Variants in WRN observed in about 807,000 individuals in gnomAD.
WRN encodes bifunctional 3'-5' exonuclease/ATP-dependent helicase WRN.
Under a neutral mutation model 180.7 loss-of-function variants are expected in WRN, and 149 were observed. That is an observed-to-expected ratio of 0.82 (90% CI 0.72 to 0.94). WRN has a LOEUF of 0.94. Ranked by LOEUF, WRN falls within the 40% of genes least tolerant of loss-of-function variation. The pLI is 0.00. For missense variants in WRN, 1,661 were observed against 1,700.1 expected, an observed-to-expected ratio of 0.98 and a Z score of 0.40; for synonymous variants, 548 against 568.9, an observed-to-expected ratio of 0.96 and a Z score of 0.52.
intron 3 of WRN, among the ~76,000 whole-genome samples, chr8:31,059,733 G>T (rs1812413938): frequency 6.6e-6 from 1 of 152,068 alleles, no homozygotes; most frequent in African/African-American, 2.4e-5. Context: ...AGTAACAGTT[G>T]TAGCAAATGA....
At position 31,167,140 on chromosome 8, in the gene WRN, T is replaced by C. The variant is rs201955394; in HGVS notation, c.4101T>C (p.Cys1367=). The part of the protein sequence containing the change: ...HGPDSGLQPS[C]DVNKRRCFPG... ...CTGACAGCGGACTTCAACCTTCATG[T>C]GATGTCAACAAAAGGAGATGTTTTC... The change falls in exon 34 of 35, where the codon TGT becomes TGC. Residue 1367 remains cysteine (C), a synonymous_variant. Transcript: ENST00000298139. 18 of 1,613,408 alleles carry C rather than the reference T, an allele frequency of 1.1e-5. No homozygotes were observed. The highest frequency in any genetic ancestry group is 1.5e-5 in the Non-Finnish European group (18 of 1,179,528).
Position 31,166,550 on chromosome 8 carries a change from C to CT in WRN, c.3983-466dup, listed in dbSNP as rs531963120. Reference sequence around the variant, plus strand: ...TTACAATAATAGCCATTGAAAGAATCTTTTTTATTAGAATGTTATTTACAG... The same window carrying CT: ...TTACAATAATAGCCATTGAAAGAATCTTTTTTTATTAGAATGTTATTTACAG... On this transcript the variant is annotated intron_variant, in intron 33 of 34. Transcript: ENST00000298139. 4.6e-5 allele frequency among the ~76,000 whole-genome samples: 7 copies of CT among 152,102 alleles called. No individual in the cohort carries two copies. The East Asian group carries it at 7.7e-4, about 17-fold the overall frequency.
chr8:31,134,976 G>A (rs980299948), intron 24 of WRN, among the ~76,000 whole-genome samples: 1 of 152,022 alleles, frequency 6.6e-6, no homozygotes. Context: ...AGCTTCTTTG[G>A]CCTGTAGGGA....
chr8:31,150,344 A>G lies in WRN; in HGVS notation c.3576A>G (p.Pro1192=). ...KILVDMAKMR[P]TTVENVKRID... ...TTGTTGTTGTTGTTAAACACAGACC[A>G]ACTACGGTTGAAAACGTAAAAAGGA... is the stretch of plus-strand genomic sequence containing the variant. The change falls in exon 31 of 35, where the codon CCA becomes CCG. Residue 1192 remains proline, a synonymous_variant. Coordinates refer to ENST00000298139, the MANE Select transcript of WRN (RefSeq NM_000553.6). 1 of 1,613,774 alleles carries G rather than the reference A, an allele frequency of 6.2e-7. No homozygotes were observed. Among genetic ancestry groups the G allele is most frequent in the Non-Finnish European group, 8.5e-7 (1 of 1,179,626 alleles).
At chr8:31,126,952 A>G (rs1356237102) in intron 23 of WRN, among the ~76,000 whole-genome samples, 2 of 152,198 alleles carry the variant, frequency 1.3e-5, no homozygotes, top group African/African-American at 2.4e-5. Context: ...ACTATGAACA[A>G]CTCAGAACAT....
intron 33 of WRN, among the ~76,000 whole-genome samples, chr8:31,166,220 A>G (rs1344729010): frequency 6.6e-6 from 1 of 152,154 alleles, no homozygotes; most frequent in Non-Finnish European, 1.5e-5. Context: ...TTGAGTGTCA[A>G]ATATTTGATA....
intron 16 of WRN, among the ~76,000 whole-genome samples, chr8:31,094,208 A>G (rs1333724074): frequency 6.6e-6 from 1 of 152,206 alleles, no homozygotes; most frequent in African/African-American, 2.4e-5. Flanking sequence ...TACCATTTTA[A>G]TCATTACTAA....
At chr8:31,067,004 T>C (rs766327723) in intron 5 of WRN, 29 bp from the exon 6 acceptor site, 1 of 1,612,880 alleles carries the variant, frequency 6.2e-7, no homozygotes, top group African/African-American at 1.3e-5. Flanking sequence ...GGAACTGATT[T>C]TACTGTGTTG....
At chr8:31,043,302 T>G (rs918215424) in intron 1 of WRN, among the ~76,000 whole-genome samples, 6 of 152,150 alleles carry the variant, frequency 3.9e-5, no homozygotes, top group Admixed American at 2.0e-4. Flanking sequence ...AAGCAATAAT[T>G]ATGGCCAGGA....
chr8:31,157,344 G>A (rs1324302998), intron 32 of WRN, 24 bp from the exon 33 acceptor site: 2 of 1,612,958 alleles, frequency 1.2e-6, no homozygotes, highest in Non-Finnish European at 8.5e-7. Flanking sequence ...CAACTCACTG[G>A]GTTCTTTGCT....
intron 1 of WRN, among the ~76,000 whole-genome samples, chr8:31,058,138 CAA>C (rs1812345157): frequency 6.6e-6 from 1 of 152,028 alleles, no homozygotes; most frequent in Non-Finnish European, 1.5e-5. Context: ...GAGAAAGACT[CAA>C]AGTCATAAAA....
chr8:31,095,114 T>TCTGGCTGA (rs1191804748), intron 16 of WRN, among the ~76,000 whole-genome samples: 2 of 152,230 alleles, frequency 1.3e-5, no homozygotes, highest in Non-Finnish European at 2.9e-5. Flanking sequence ...TATCACTTAG[T>TCTGGCTGA]CTGGCTGATC....
rs1470212564 is a variant in WRN at position 31,173,681 on chromosome 8, G to A, written c.*579G>A. The A allele has an allele frequency of 6.0e-6, 1 of 165,612 alleles. No homozygotes were observed. The highest frequency in any genetic ancestry group is 1.3e-5 in the Non-Finnish European group (1 of 76,388). 10.3% of individuals were successfully genotyped at this position (165,612 alleles called of 1,614,324 possible). ...TGTAAAATGGAGACCAATTGCACTA[G>A]GCAAGTGTATATTTTGTATTTTATA... is the stretch of plus-strand genomic sequence containing the variant. On this transcript the variant is annotated 3_prime_UTR_variant, in exon 35 of 35. Coordinates refer to ENST00000298139, the MANE Select transcript of WRN (RefSeq NM_000553.6).
At position 31,076,171 on chromosome 8, in the gene WRN, A is replaced by G; in HGVS notation, c.725-2A>G. 2 of 1,610,616 alleles carry G rather than the reference A, an allele frequency of 1.2e-6. No individual in the cohort carries two copies. The highest frequency in any genetic ancestry group is 1.7e-6 in the Non-Finnish European group (2 of 1,176,934). On this transcript the variant is annotated splice_acceptor_variant, in intron 7 of 34. Transcript: ENST00000298139. LOFTEE classifies it high-confidence loss of function. ...ATTAATATTGATTTTTTTTCCCCCT[A>G]GAGGAAGAAATCCTACTTAGCGACA...
chr8:31,067,159 CTG>C lies in WRN; in HGVS notation c.633_634del (p.Tyr212CysfsTer4). 6.2e-7 allele frequency: 1 copy of C among 1,613,804 alleles called. No homozygotes were observed. The highest frequency in any genetic ancestry group is 8.5e-7 in the Non-Finnish European group (1 of 1,179,954). On this transcript the variant is annotated frameshift_variant, in exon 6 of 35. Coordinates refer to ENST00000298139, the MANE Select transcript of WRN (RefSeq NM_000553.6). LOFTEE classifies it high-confidence loss of function. ...SKFPLTEDQKLYAATDAYAGF... is the reference protein window; with the variant it reads ...SKFPLTEDQKXYAATDAYAGF... ...ATTTCCTCTCACTGAGGACCAGAAA[CTG>C]TATGCAGCCACTGATGCTTATGTAC...
chr8:31,170,832 A>C (rs956162059), intron 34 of WRN, among the ~76,000 whole-genome samples: 4 of 152,198 alleles, frequency 2.6e-5, no homozygotes, highest in African/African-American at 9.6e-5. Context: ...AGACACACTT[A>C]GTGTAAGTAA....
intron 32 of WRN, 122 bp downstream of exon 32, chr8:31,154,877 A>G: frequency 8.1e-7 from 1 of 1,237,488 alleles, no homozygotes; most frequent in Non-Finnish European, 1.1e-6. Context: ...AATAAATCTC[A>G]GTTTATCTTT....
intron 17 of WRN, 114 bp downstream of exon 17, chr8:31,096,964 C>G: frequency 1.0e-6 from 1 of 985,340 alleles, no homozygotes; most frequent in Non-Finnish European, 1.6e-6. Flanking sequence ...ACATTACTTC[C>G]TCCAGGAAAT....
At position 31,175,786 on chromosome 8, in the gene WRN, A is replaced by T. The variant is rs546088717; in HGVS notation, c.*2684A>T. ...TACAGCCACTTTTGTTAAGCCAGAC[A>T]ATGAGATTTGCAAAATGTAAACAAT... On this transcript the variant is annotated 3_prime_UTR_variant, in exon 35 of 35. Coordinates refer to ENST00000298139, the MANE Select transcript of WRN (RefSeq NM_000553.6). Among the ~76,000 whole-genome samples the T allele has an allele frequency of 2.6e-5, 4 of 152,364 alleles. No individual in the cohort carries two copies. The East Asian group carries it at 7.7e-4, about 29-fold the overall frequency.
Sources: gnomAD v4.1 joint callset for allele counts (sites outside exome capture counted in the v4.1 genomes callset) on GRCh38, gnomAD v4.1.1 for gene constraint, MANE v1.5 for transcripts, NCBI Gene and HGNC (gene_info 2026-07-23, HGNC 2026-07-21) for gene names.